Variants in GPAM observed in about 807,000 individuals in gnomAD.
GPAM encodes the protein glycerol-3-phosphate acyltransferase, mitochondrial.
GPAM carries 56 observed loss-of-function variants against 105.0 expected under a neutral mutation model. The ratio of observed to expected loss-of-function variants is 0.53; its 90% CI spans 0.43 to 0.67. The LOEUF is 0.67. GPAM is among the 30% of genes least tolerant of loss of function. The pLI is 0.00. For missense variants in GPAM, 855 were observed against 989.8 expected (o/e 0.86, Z 1.83); for synonymous variants, 368 against 354.4 (o/e 1.04, Z -0.43).
intron 6 of GPAM, 21 bp from the exon 7 acceptor site, chr10:112,173,866 G>C: frequency 1.3e-6 from 2 of 1,597,312 alleles, no homozygotes; most frequent in South Asian, 2.2e-5. Flanking sequence ...AATGGAAAAA[G>C]AGACAATGTA....
At position 112,179,092 on chromosome 10, in the gene GPAM, G is replaced by A. The variant is rs181826500; in HGVS notation, c.226-1035C>T. 9.2e-5 allele frequency among the ~76,000 whole-genome samples: 14 copies of A among 152,218 alleles called. No individual in the cohort carries two copies. The East Asian group carries it at 1.4e-3, about 15-fold the overall frequency. ...ATCTCTTTAGAGAAAAGGAAAATAC[G>A]ATTTCAGAGAAAAGATAGCAAATAT... On this transcript the variant is annotated intron_variant, in intron 4 of 21. Coordinates refer to ENST00000348367, the MANE Select transcript of GPAM (RefSeq NM_001244949.2).
intron 17 of GPAM, 110 bp downstream of exon 17, chr10:112,159,789 GAGTGGAATATAA>G: frequency 1.0e-6 from 1 of 958,870 alleles, no homozygotes; most frequent in Non-Finnish European, 1.7e-6. Flanking sequence ...TGAAATCCAG[GAGTGGAATATAA>G]AGTATCAACA....
chr10:112,192,935 A>G (rs1847679422), intron 1 of GPAM, among the ~76,000 whole-genome samples: 1 of 152,204 alleles, frequency 6.6e-6, no homozygotes. Flanking sequence ...TTGGCCGCAG[A>G]GAATCTAGGT....
chr10:112,225,538 G>C, the GPAM span, among the ~76,000 whole-genome samples: 2 of 152,322 alleles, frequency 1.3e-5, no homozygotes, highest in African/African-American at 4.8e-5. Flanking sequence ...GGGAAGCAAA[G>C]GGGAAAGAAT....
intron 1 of GPAM, among the ~76,000 whole-genome samples, chr10:112,212,687 G>A (rs1847925547): frequency 6.6e-6 from 1 of 152,200 alleles, no homozygotes; most frequent in South Asian, 2.1e-4. Context: ...GCCTGCCATT[G>A]AGTCTCAGCT....
At chr10:112,211,069 G>C (rs1340575898) in intron 1 of GPAM, among the ~76,000 whole-genome samples, 1 of 152,254 alleles carries the variant, frequency 6.6e-6, no homozygotes, top group Non-Finnish European at 1.5e-5. Context: ...CTACAGGAAG[G>C]ATGTAGTTCC....
At chr10:112,157,865 G>T (rs1048463619) in intron 18 of GPAM, among the ~76,000 whole-genome samples, 6 of 152,068 alleles carry the variant, frequency 3.9e-5, no homozygotes, top group African/African-American at 1.4e-4. Context: ...TAATCCCAAA[G>T]GACACTTATT....
upstream of GPAM, among the ~76,000 whole-genome samples, chr10:112,184,865 T>C (rs893325319): frequency 7.9e-5 from 12 of 152,242 alleles, no homozygotes; most frequent in Admixed American, 4.6e-4. Flanking sequence ...CAGATCTCAC[T>C]CCAGTCTTCC....
At chr10:112,223,323 T>C in the GPAM span, among the ~76,000 whole-genome samples, 12,005 of 152,280 alleles carry the variant, frequency 0.079, 520 homozygotes, top group Middle Eastern at 0.18. Context: ...GTGAAGTGCC[T>C]GAGATCCAAT....
At chr10:112,192,202 C>CCATT (rs1847668492) in intron 1 of GPAM, among the ~76,000 whole-genome samples, 1 of 152,156 alleles carries the variant, frequency 6.6e-6, no homozygotes, top group South Asian at 2.1e-4. Context: ...ATTCGTTTAT[C>CCATT]CATTCATTCA....
rs1685765994 is a variant in GPAM at position 112,155,715 on chromosome 10, T to TA, written c.2311+148dup. The TA allele has an allele frequency of 5.0e-6, 3 of 601,092 alleles. No individual in the cohort carries two copies. The East Asian group carries it at 8.6e-5, about 17-fold the overall frequency. The allele number at this position is 601,092 out of a possible 1,614,324, so 37.2% of individuals were successfully genotyped here. On this transcript the variant is annotated intron_variant, in intron 20 of 21. Coordinates refer to ENST00000348367, the MANE Select transcript of GPAM (RefSeq NM_001244949.2). Reference sequence around the variant, plus strand: ...GTGTATAACTGTATCATTCAACTTATATAACATGCCAAAGAAGATAATAGT... The same window carrying TA: ...GTGTATAACTGTATCATTCAACTTATAATAACATGCCAAAGAAGATAATAGT...
chr10:112,216,059 T>C (rs1847964815), upstream of GPAM, among the ~76,000 whole-genome samples: 1 of 152,162 alleles, frequency 6.6e-6, no homozygotes, highest in Non-Finnish European at 1.5e-5. Context: ...TCCATGTGAC[T>C]TTAAACACTG....
Position 112,172,963 on chromosome 10 carries a change from T to C in GPAM, c.657+7A>G. 3 of 1,457,522 alleles carry C rather than the reference T, an allele frequency of 2.1e-6. No individual in the cohort carries two copies. The highest frequency in any genetic ancestry group is 2.9e-6 in the Non-Finnish European group (3 of 1,036,968). 90.3% of individuals were successfully genotyped at this position (1,457,522 alleles called of 1,614,324 possible). On this transcript the variant is annotated splice_region_variant and intron_variant, in intron 8 of 21. Coordinates refer to ENST00000348367, the MANE Select transcript of GPAM (RefSeq NM_001244949.2). ...AAATGGGGTAATAGATTCACAGAAATTCTTGCCTCAGTTGCAGCTTTAACC... is the reference window on the plus strand; with the variant it reads ...AAATGGGGTAATAGATTCACAGAAACTCTTGCCTCAGTTGCAGCTTTAACC...
At chr10:112,194,371 A>G (rs1415460339) in intron 1 of GPAM, among the ~76,000 whole-genome samples, 1 of 152,230 alleles carries the variant, frequency 6.6e-6, no homozygotes, top group Non-Finnish European at 1.5e-5. Context: ...GCTTCTAACA[A>G]GACAGGCTAC....
At chr10:112,207,780 G>A (rs1847867659) in intron 1 of GPAM, among the ~76,000 whole-genome samples, 2 of 152,152 alleles carry the variant, frequency 1.3e-5, no homozygotes, top group South Asian at 4.1e-4. Flanking sequence ...TCACGCTCAA[G>A]ATATATCTTT....
At chr10:112,220,420 A>C in the GPAM span, among the ~76,000 whole-genome samples, 338 of 146,142 alleles carry the variant, frequency 2.3e-3, 3 homozygotes, top group African/African-American at 8.0e-3. Context: ...GGTTTCATAC[A>C]TGCATCTAGA....
upstream of GPAM, among the ~76,000 whole-genome samples, chr10:112,216,446 G>A (rs1250985816): frequency 6.6e-6 from 1 of 152,038 alleles, no homozygotes; most frequent in Non-Finnish European, 1.5e-5. Flanking sequence ...GAAGGGTATG[G>A]GCCTGTCCAA....
upstream of GPAM, among the ~76,000 whole-genome samples, chr10:112,219,875 T>C (rs375288535): frequency 4.1e-4 from 62 of 152,284 alleles, 1 homozygote; most frequent in South Asian, 8.5e-3. Context: ...GTTTAAATGA[T>C]AGCCCTTCCC....
At chr10:112,160,961 G>C (rs933429636) in intron 15 of GPAM, 93 bp from the exon 16 acceptor site, 1 of 1,116,240 alleles carries the variant, frequency 9.0e-7, no homozygotes, top group African/African-American at 1.5e-5. Context: ...TCTTGCCTTG[G>C]CTTTCCTGCA....
Sources: gnomAD v4.1 joint callset for allele counts (sites outside exome capture counted in the v4.1 genomes callset) on GRCh38, gnomAD v4.1.1 for gene constraint, MANE v1.5 for transcripts, NCBI Gene and HGNC (gene_info 2026-07-23, HGNC 2026-07-21) for gene names.